The following MGMT variants were observed in gnomAD, a reference collection of about 807,000 sequenced individuals.
MGMT encodes the protein O-6-methylguanine-DNA methyltransferase, also known as methylated-DNA--protein-cysteine methyltransferase.
In MGMT, 14 loss-of-function variants were observed where a neutral mutation model predicts 15.9. The observed-to-expected ratio is 0.88, with a 90% CI of 0.58 to 1.37. The LOEUF (loss-of-function observed/expected upper bound fraction) is 1.37, where lower values mean the gene tolerates loss of function less well. Among genes scored for constraint, MGMT ranks in the 40% most tolerant of loss-of-function variants. MGMT has a pLI of 0.00. For synonymous variants in MGMT, 130 were observed against 118.2 expected, an observed-to-expected ratio of 1.10 and a Z score of -0.65; for missense variants, 282 against 268.1, an observed-to-expected ratio of 1.05 and a Z score of -0.36.
intron 2 of MGMT, among the ~76,000 whole-genome samples, chr10:129,580,480 G>A (rs940321618): frequency 7.2e-5 from 11 of 152,178 alleles, no homozygotes; most frequent in South Asian, 2.1e-4. Flanking sequence ...TCCAGGGCCC[G>A]TGGGCTTTGA....
chr10:129,671,277 C>T (rs1196953826), intron 2 of MGMT, among the ~76,000 whole-genome samples: 1 of 152,208 alleles, frequency 6.6e-6, no homozygotes, highest in Non-Finnish European at 1.5e-5. Context: ...TGCTGTGATA[C>T]TCCACATTTA....
intron 1 of MGMT, among the ~76,000 whole-genome samples, chr10:129,470,971 T>TA (rs1314643441): frequency 6.6e-6 from 1 of 152,206 alleles, no homozygotes; most frequent in African/African-American, 2.4e-5. Flanking sequence ...CTCCTACTCC[T>TA]AAAAGTTTCT....
intron 3 of MGMT, among the ~76,000 whole-genome samples, chr10:129,714,507 A>C (rs1210931138): frequency 2.6e-5 from 4 of 152,210 alleles, no homozygotes; most frequent in Non-Finnish European, 1.5e-5. Flanking sequence ...GATTTATATC[A>C]GAATCCTCTA....
chr10:129,623,282 G>T (rs1847110537), intron 2 of MGMT, among the ~76,000 whole-genome samples: 1 of 152,112 alleles, frequency 6.6e-6, no homozygotes, highest in Admixed American at 6.5e-5. Context: ...TTCAGACCTG[G>T]TGCTCCCTGA....
intron 2 of MGMT, among the ~76,000 whole-genome samples, chr10:129,654,856 C>T (rs773422329): frequency 7.9e-5 from 12 of 152,126 alleles, no homozygotes; most frequent in Non-Finnish European, 1.6e-4. Flanking sequence ...ACGGCACAAG[C>T]CACAGTGGGT....
intron 2 of MGMT, among the ~76,000 whole-genome samples, chr10:129,706,275 T>G (rs1589948165): frequency 6.6e-6 from 1 of 152,202 alleles, no homozygotes; most frequent in East Asian, 1.9e-4. Flanking sequence ...TGGCCGTGCA[T>G]ACCTTGTGTG....
chr10:129,738,659 G>T (rs1221908060), intron 3 of MGMT, among the ~76,000 whole-genome samples: 2 of 152,130 alleles, frequency 1.3e-5, no homozygotes, highest in Non-Finnish European at 2.9e-5. Flanking sequence ...GAATAGTGCC[G>T]CAGTAAACAT....
At chr10:129,708,122 A>G (rs1395313878) in intron 3 of MGMT, 79 bp downstream of exon 3, 15 of 1,510,230 alleles carry the variant, frequency 9.9e-6, no homozygotes, top group East Asian at 2.3e-5. Context: ...AGTTCATTTT[A>G]TTGAGTATAC....
chr10:129,481,294 G>T (rs1443526896), intron 1 of MGMT, among the ~76,000 whole-genome samples: 1 of 152,198 alleles, frequency 6.6e-6, no homozygotes, highest in Non-Finnish European at 1.5e-5. Flanking sequence ...AACCAATTTT[G>T]TGTTCCTGGA....
chr10:129,587,681 C>T (rs533239135), intron 2 of MGMT, among the ~76,000 whole-genome samples: 1 of 151,592 alleles, frequency 6.6e-6, no homozygotes, highest in East Asian at 1.9e-4. Context: ...CATGATCCAC[C>T]CGCCTCGGCT....
At chr10:129,764,327 A>G (rs553939681) in intron 4 of MGMT, among the ~76,000 whole-genome samples, 2 of 152,222 alleles carry the variant, frequency 1.3e-5, no homozygotes, top group South Asian at 4.2e-4. Context: ...ACCTTTTCCA[A>G]GGGGGGCTGG....
Position 129,766,799 on chromosome 10 carries a change from C to A in MGMT, c.426C>A (p.Leu142=), listed in dbSNP as rs773580543. ...GAMRGNPVPI[L]IPCHRVVCSS... is the part of the protein sequence containing the mutation. ...CCCCTGTCTTCCAGGTCCCCATCCT[C>A]ATCCCGTGCCACAGAGTGGTCTGCA... is the stretch of plus-strand genomic sequence containing the variant. The change falls in exon 5 of 5, where the codon CTC becomes CTA. Residue 142 remains leucine, a synonymous_variant. Coordinates refer to ENST00000651593, the MANE Select transcript of MGMT (RefSeq NM_002412.5). 10 of 1,612,856 alleles carry A rather than the reference C, an allele frequency of 6.2e-6. No homozygotes were observed. The highest frequency in any genetic ancestry group is 8.5e-6 in the Non-Finnish European group (10 of 1,179,850).
intron 2 of MGMT, among the ~76,000 whole-genome samples, chr10:129,671,983 T>G (rs1225254151): frequency 6.6e-6 from 1 of 152,252 alleles, no homozygotes; most frequent in Non-Finnish European, 1.5e-5. Context: ...AATTGTATAC[T>G]TCACATCCTT....
intron 2 of MGMT, among the ~76,000 whole-genome samples, chr10:129,630,378 G>A (rs374501326): frequency 6.3e-4 from 96 of 152,334 alleles, no homozygotes; most frequent in African/African-American, 9.4e-4. Context: ...ATCTCACGCC[G>A]TGAGGAGCTC....
chr10:129,705,846 C>T (rs1366294628), intron 2 of MGMT, among the ~76,000 whole-genome samples: 2 of 152,144 alleles, frequency 1.3e-5, no homozygotes, highest in Non-Finnish European at 1.5e-5. Context: ...GAGACAGGCC[C>T]TCATTCATAC....
At chr10:129,489,909 A>G (rs1003067448) in intron 1 of MGMT, among the ~76,000 whole-genome samples, 5 of 151,962 alleles carry the variant, frequency 3.3e-5, no homozygotes, top group Admixed American at 1.3e-4. Flanking sequence ...TCTGTAAACC[A>G]TTTCTTTCTT....
chr10:129,712,809 A>G (rs916314674), intron 3 of MGMT, among the ~76,000 whole-genome samples: 1 of 152,184 alleles, frequency 6.6e-6, no homozygotes, highest in Non-Finnish European at 1.5e-5. Flanking sequence ...GCAAAGGCTC[A>G]TCCAGCCCCC....
At chr10:129,663,565 A>G (rs78549330) in intron 2 of MGMT, among the ~76,000 whole-genome samples, 1,906 of 152,300 alleles carry the variant, frequency 0.013, 31 homozygotes, top group African/African-American at 0.043. Context: ...AAAAAAATTT[A>G]AACAGACAAA....
intron 3 of MGMT, among the ~76,000 whole-genome samples, chr10:129,710,413 C>T (rs74160272): frequency 2.0e-5 from 3 of 152,190 alleles, no homozygotes; most frequent in Non-Finnish European, 2.9e-5. Flanking sequence ...GGCCTTCTCT[C>T]GAGGGTAGGG....
Sources: gnomAD v4.1 joint callset for allele counts (sites outside exome capture counted in the v4.1 genomes callset) on GRCh38, gnomAD v4.1.1 for gene constraint, MANE v1.5 for transcripts, NCBI Gene and HGNC (gene_info 2026-07-23, HGNC 2026-07-21) for gene names.